Variants in EIF2AK4 observed in about 807,000 individuals in gnomAD.
The protein encoded by EIF2AK4 is eIF-2-alpha kinase GCN2.
In EIF2AK4, 139 loss-of-function variants were observed where a neutral mutation model predicts 211.1. The observed-to-expected ratio is 0.66, with a 90% CI of 0.57 to 0.76. The LOEUF is 0.76. EIF2AK4 is among the 30% of genes least tolerant of loss of function. The probability of loss-of-function intolerance (pLI) is 0.00; values close to 1 mark genes in which losing one functional copy is unlikely to be tolerated. For synonymous variants in EIF2AK4, 710 were observed against 751.3 expected, an observed-to-expected ratio of 0.94 and a Z score of 0.90; for missense variants, 1,664 against 2,043.8, an observed-to-expected ratio of 0.81 and a Z score of 3.58.
At chr15:39,987,618 TTAAC>T (rs2034883895) in intron 14 of EIF2AK4, among the ~76,000 whole-genome samples, 1 of 152,184 alleles carries the variant, frequency 6.6e-6, no homozygotes, top group Non-Finnish European at 1.5e-5. Flanking sequence ...TATAATTAGG[TTAAC>T]TAACCCTCCT....
chr15:39,936,203 A>G (rs1375332221), intron 1 of EIF2AK4, among the ~76,000 whole-genome samples: 3 of 152,234 alleles, frequency 2.0e-5, no homozygotes, highest in Non-Finnish European at 4.4e-5. Context: ...ATACTAGACA[A>G]ACCAAAGCAA....
At chr15:39,984,635 A>T (rs1257167554) in intron 13 of EIF2AK4, among the ~76,000 whole-genome samples, 1 of 152,212 alleles carries the variant, frequency 6.6e-6, no homozygotes, top group Non-Finnish European at 1.5e-5. Context: ...GAATTCACTC[A>T]TGATTTGGCT....
chr15:39,976,737 G>T lies in EIF2AK4; in HGVS notation c.2142G>T (p.Ser714=). ...ILSSSVEWST[S]GERSASARFP... ...GCAGCTCGGTGGAGTGGAGCACTTC[G>T]GGCGAGCGCTCGGCCAGTGCCCGTT... is the stretch of plus-strand genomic sequence containing the variant. The change falls in exon 12 of 39, where the codon TCG becomes TCT. Residue 714 remains serine, a synonymous_variant. Coordinates refer to ENST00000263791, the MANE Select transcript of EIF2AK4 (RefSeq NM_001013703.4). 1 of 1,601,256 alleles carries T rather than the reference G, an allele frequency of 6.2e-7. No individual in the cohort carries two copies.
Position 39,957,894 on chromosome 15 carries a change from C to T in EIF2AK4, c.743+2126C>T, listed in dbSNP as rs543501190. Among the ~76,000 whole-genome samples, 8 of 151,992 alleles carry T rather than the reference C, an allele frequency of 5.3e-5. No homozygotes were observed. In the East Asian group the frequency reaches 7.7e-4, roughly 15 times the overall value. ...GGTTTTATTTAACAAAAGATGTTCA[C>T]GCTGAAAAGAAGAGAAAGAGAGAAA... On this transcript the variant is annotated intron_variant, in intron 6 of 38. Coordinates refer to ENST00000263791, the MANE Select transcript of EIF2AK4 (RefSeq NM_001013703.4).
intron 23 of EIF2AK4, among the ~76,000 whole-genome samples, chr15:40,005,760 A>G (rs1476745540): frequency 6.6e-6 from 1 of 151,672 alleles, no homozygotes. Context: ...TTTAGTAGAG[A>G]CAGTGTTTCA....
intron 13 of EIF2AK4, among the ~76,000 whole-genome samples, chr15:39,984,946 G>A (rs1031549777): frequency 6.6e-6 from 1 of 152,208 alleles, no homozygotes; most frequent in Non-Finnish European, 1.5e-5. Flanking sequence ...CAAAGGGAAT[G>A]CTTCCAGCTT....
chr15:39,962,737 G>A (rs556943391), intron 7 of EIF2AK4, among the ~76,000 whole-genome samples: 1 of 152,254 alleles, frequency 6.6e-6, no homozygotes, highest in South Asian at 2.1e-4. Flanking sequence ...TAGAAGTTTT[G>A]TCTACTCGTG....
At chr15:39,951,634 A>C (rs1336250194) in intron 4 of EIF2AK4, 2 of 254,536 alleles carry the variant, frequency 7.9e-6, no homozygotes, top group East Asian at 1.2e-4. Flanking sequence ...ATTTCACAGA[A>C]TGCCACAGTA....
intron 4 of EIF2AK4, among the ~76,000 whole-genome samples, chr15:39,950,564 C>T (rs1180080300): frequency 1.3e-5 from 2 of 148,598 alleles, no homozygotes; most frequent in African/African-American, 5.0e-5. Flanking sequence ...GCACTCCAGC[C>T]TGGGCGACAA....
intron 19 of EIF2AK4, among the ~76,000 whole-genome samples, chr15:39,998,028 A>C (rs1201077542): frequency 6.6e-6 from 1 of 152,220 alleles, no homozygotes; most frequent in African/African-American, 2.4e-5. Context: ...TTTGAAAACA[A>C]ATTATTTTAC....
intron 4 of EIF2AK4, 29 bp downstream of exon 4, chr15:39,949,297 C>T (rs774250625): frequency 6.8e-6 from 11 of 1,610,132 alleles, no homozygotes; most frequent in Non-Finnish European, 9.3e-6. Flanking sequence ...TGTCTGTGTG[C>T]ATGGCCAGCC....
chr15:39,994,199 T>G (rs1235254279), intron 18 of EIF2AK4, among the ~76,000 whole-genome samples: 4 of 152,008 alleles, frequency 2.6e-5, no homozygotes, highest in South Asian at 4.2e-4. Context: ...AACACTTGAG[T>G]TCAGAGGAAA....
intron 9 of EIF2AK4, among the ~76,000 whole-genome samples, chr15:39,971,407 C>T (rs1355036786): frequency 6.6e-6 from 1 of 152,106 alleles, no homozygotes; most frequent in African/African-American, 2.4e-5. Context: ...ACCTGTAATC[C>T]CAGCTACTTG....
At chr15:40,022,461 C>A in intron 31 of EIF2AK4, 58 bp from the exon 32 acceptor site, 1 of 1,407,172 alleles carries the variant, frequency 7.1e-7, no homozygotes, top group Non-Finnish European at 1.0e-6. Context: ...TCCTTAATTA[C>A]TTGAAGCTGT....
At chr15:39,981,190 T>C (rs541335961) in intron 13 of EIF2AK4, among the ~76,000 whole-genome samples, 37 of 152,096 alleles carry the variant, frequency 2.4e-4, no homozygotes, top group Non-Finnish European at 5.0e-4. Context: ...GCCAACATGG[T>C]GAAACCCCAT....
rs141175415 is a variant in EIF2AK4 at position 39,971,710 on chromosome 15, T to C, written c.1554-1198T>C. Among the ~76,000 whole-genome samples the C allele has an allele frequency of 1.9e-3, 286 of 150,784 alleles. 1 individual carries two copies. The highest frequency in any genetic ancestry group is 6.7e-3 in the African/African-American group (274 of 41,124). ...CCAGCTTGGGTGACAGAGCAAAACC[T>C]TATCTCAAAAAAAAAAATTAAAATT... On this transcript the variant is annotated intron_variant, in intron 9 of 38. Coordinates refer to ENST00000263791, the MANE Select transcript of EIF2AK4 (RefSeq NM_001013703.4).
intron 1 of EIF2AK4, among the ~76,000 whole-genome samples, chr15:39,936,982 T>C (rs900153988): frequency 6.6e-6 from 1 of 152,216 alleles, no homozygotes; most frequent in Admixed American, 6.5e-5. Flanking sequence ...TGTGTTGTAA[T>C]ATAAATTTCA....
Position 39,951,873 on chromosome 15 carries a change from C to T in EIF2AK4, c.514-2031C>T, listed in dbSNP as rs374407008. 1.6e-4 allele frequency among the ~76,000 whole-genome samples: 24 copies of T among 152,286 alleles called. No homozygotes were observed. In the East Asian group the frequency reaches 1.9e-3, roughly 12 times the overall value. On this transcript the variant is annotated intron_variant, in intron 4 of 38. Transcript: ENST00000263791. ...GCTGGAGTTATAGGTGGTGCAGCGG[C>T]GGCTGCAAACGCAATTCTCAAGTGC...
intron 23 of EIF2AK4, 79 bp from the exon 24 acceptor site, chr15:40,006,937 G>A (rs1022469373): frequency 1.0e-5 from 11 of 1,097,502 alleles, no homozygotes; most frequent in Admixed American, 2.0e-5. Context: ...TTATGGGACA[G>A]GAGTTATGTT....
Sources: gnomAD v4.1 joint callset for allele counts (sites outside exome capture counted in the v4.1 genomes callset) on GRCh38, gnomAD v4.1.1 for gene constraint, MANE v1.5 for transcripts, NCBI Gene and HGNC (gene_info 2026-07-23, HGNC 2026-07-21) for gene names.